Variants in INTS4 observed in about 807,000 individuals in gnomAD.
The protein encoded by INTS4 is integrator complex subunit 4.
Under a neutral mutation model 119.5 loss-of-function variants are expected in INTS4, and 70 were observed. The observed-to-expected ratio is 0.59, with a 90% CI of 0.48 to 0.71. INTS4 has a LOEUF of 0.71. Ranked by LOEUF, INTS4 falls within the 30% of genes least tolerant of loss-of-function variation. The pLI is 0.00. For synonymous variants in INTS4, 316 were observed against 419.6 expected (o/e 0.75, Z 3.02); for missense variants, 867 against 1,173.2 (o/e 0.74, Z 3.81).
chr11:77,905,669 A>G (rs569247531), intron 16 of INTS4, among the ~76,000 whole-genome samples: 1 of 152,350 alleles, frequency 6.6e-6, no homozygotes, highest in South Asian at 2.1e-4. Context: ...TTGAGATCTC[A>G]GCTCTTTGGG....
At position 77,908,145 on chromosome 11, in the gene INTS4, T is replaced by C. The variant is rs1953006237; in HGVS notation, c.1923-335A>G. On this transcript the variant is annotated intron_variant, in intron 15 of 22. Coordinates refer to ENST00000534064, the MANE Select transcript of INTS4 (RefSeq NM_033547.4). ...TTATGGGTCATAATATTCATTGTTA[T>C]GTGGACTATTATAGTAAAAACTCAG... 2.0e-5 allele frequency among the ~76,000 whole-genome samples: 3 copies of C among 152,342 alleles called. 1 individual carries two copies. The highest frequency in any genetic ancestry group is 6.8e-3 in the Middle Eastern group (2 of 294).
chr11:77,945,923 A>T (rs79325557), intron 8 of INTS4, among the ~76,000 whole-genome samples: 93 of 152,322 alleles, frequency 6.1e-4, no homozygotes, highest in African/African-American at 2.1e-3. Flanking sequence ...CCCACTGCAC[A>T]AAAGCATTTG....
At chr11:77,931,798 C>CTG (rs1304012810) in intron 10 of INTS4, among the ~76,000 whole-genome samples, 1 of 152,166 alleles carries the variant, frequency 6.6e-6, no homozygotes, top group Non-Finnish European at 1.5e-5. Flanking sequence ...CATCTACAAC[C>CTG]ATCTGATCTT....
intron 9 of INTS4, among the ~76,000 whole-genome samples, 156 bp from the exon 10 acceptor site, chr11:77,938,981 A>G (rs988387031): frequency 8.1e-4 from 123 of 152,180 alleles, no homozygotes; most frequent in Non-Finnish European, 1.5e-3. Flanking sequence ...TGCAAATTCA[A>G]CTTAAAATGA....
At chr11:77,953,322 C>T (rs1199320084) in intron 8 of INTS4, among the ~76,000 whole-genome samples, 1 of 152,214 alleles carries the variant, frequency 6.6e-6, no homozygotes, top group African/African-American at 2.4e-5. Context: ...TAGATACTTA[C>T]ACACACATAT....
chr11:77,924,836 A>C lies in INTS4; in HGVS notation c.1428T>G (p.Val476=), dbSNP rs7119720. Residue 476 remains valine, a synonymous_variant, in exon 12 of 23, where the codon GTT becomes GTG. Transcript: ENST00000534064. ...CAAGATGAATCCCTTCTTTGGTTGA[A>C]ACATTAGTACAGCATAAGAGTTCAT... is the stretch of plus-strand genomic sequence containing the variant. The part of the protein sequence containing the change: ...ALHELLCCTN[V]STKEGIHLAL... 318,606 of 1,588,978 alleles carry C rather than the reference A, an allele frequency of 0.2. 32,700 individuals carry two copies. The highest frequency in any genetic ancestry group is 0.21 in the Non-Finnish European group (238,361 of 1,157,338).
Position 77,991,308 on chromosome 11 carries a change from G to T in INTS4, c.55-9C>A. ...GCAATTTCCTCCTGTGGCTGCAAGG[G>T]GTAGAGAAAATCGAAAACACAGAAT... On this transcript the variant is annotated splice_polypyrimidine_tract_variant and intron_variant, in intron 1 of 22. Coordinates refer to ENST00000534064, the MANE Select transcript of INTS4 (RefSeq NM_033547.4). The T allele has an allele frequency of 6.2e-7, 1 of 1,600,200 alleles. No homozygotes were observed. Among genetic ancestry groups the T allele is most frequent in the Non-Finnish European group, 8.5e-7 (1 of 1,170,134 alleles).
Position 77,958,762 on chromosome 11 carries a change from G to C in INTS4, c.781C>G (p.Gln261Glu), listed in dbSNP as rs145496263. 454 of 1,609,310 alleles carry C rather than the reference G, an allele frequency of 2.8e-4. 1 individual carries two copies. The highest frequency in any genetic ancestry group is 3.7e-4 in the Non-Finnish European group (435 of 1,177,666). Reference sequence around the variant, plus strand: ...CACACTGACCTTTCAGGATAGAGCTGACTGACGACCCAGATAAGCTGGACT... The same window carrying C: ...CACACTGACCTTTCAGGATAGAGCTCACTGACGACCCAGATAAGCTGGACT... ...AAVQLIWVVS[Q>E]LYPESIVPIP... is the part of the protein sequence containing the mutation. The change falls in exon 7 of 23, where the codon CAG becomes GAG. Residue 261 changes from glutamine (Q) to glutamate (E), a missense_variant. Physicochemically the swap from Gln to Glu is conservative, Grantham distance 29 (BLOSUM62 2). Transcript: ENST00000534064.
At chr11:77,897,775 G>T in intron 18 of INTS4, among the ~76,000 whole-genome samples, 1 of 151,752 alleles carries the variant, frequency 6.6e-6, no homozygotes, top group South Asian at 2.1e-4. Flanking sequence ...AAAGTGCTGG[G>T]GTTACAGGCG....
At chr11:77,877,018 T>A (rs751752928), downstream of INTS4, 47 of 703,062 alleles carry the variant, frequency 6.7e-5, no homozygotes, top group Non-Finnish European at 1.1e-4. Flanking sequence ...TGGCTACAGC[T>A]TCATGGCACA....
At chr11:77,939,940 T>C (rs1379639561) in intron 9 of INTS4, among the ~76,000 whole-genome samples, 2 of 152,134 alleles carry the variant, frequency 1.3e-5, no homozygotes, top group South Asian at 4.1e-4. Context: ...AAAGTCATTA[T>C]ATTAGGGTAG....
At chr11:77,952,387 T>C (rs1375439388) in intron 8 of INTS4, among the ~76,000 whole-genome samples, 1 of 152,234 alleles carries the variant, frequency 6.6e-6, no homozygotes, top group Non-Finnish European at 1.5e-5. Context: ...TTGTTATTTA[T>C]AAGTAATACA....
intron 4 of INTS4, among the ~76,000 whole-genome samples, chr11:77,968,983 G>A (rs577949968): frequency 2.6e-4 from 40 of 152,010 alleles, no homozygotes; most frequent in African/African-American, 9.6e-4. Context: ...TCACTCTGTC[G>A]CCCAGGCTGG....
At chr11:77,942,766 A>C (rs531079446) in intron 8 of INTS4, among the ~76,000 whole-genome samples, 1 of 152,274 alleles carries the variant, frequency 6.6e-6, no homozygotes, top group African/African-American at 2.4e-5. Flanking sequence ...AATTTATCTG[A>C]GATCTTCTCT....
chr11:77,908,076 C>G (rs1282760468), intron 15 of INTS4, among the ~76,000 whole-genome samples: 1 of 190 alleles, frequency 5.3e-3, no homozygotes, highest in African/African-American at 0.022. Context: ...TAGCTTTACA[C>G]TGAAAAGTAT....
At chr11:77,981,190 C>CA (rs35194381) in intron 3 of INTS4, among the ~76,000 whole-genome samples, 126 of 88,816 alleles carry the variant, frequency 1.4e-3, no homozygotes, top group Middle Eastern at 7.8e-3. Flanking sequence ...AACAAACAAG[C>CA]AAAAAAAAAA....
intron 22 of INTS4, among the ~76,000 whole-genome samples, chr11:77,881,162 G>A (rs1403012277): frequency 1.3e-5 from 2 of 152,168 alleles, no homozygotes; most frequent in Non-Finnish European, 2.9e-5. Context: ...CAACTTCTGC[G>A]TCATGCCTGG....
intron 16 of INTS4, among the ~76,000 whole-genome samples, chr11:77,905,640 T>C (rs1297787829): frequency 2.6e-5 from 4 of 152,182 alleles, no homozygotes; most frequent in Admixed American, 6.5e-5. Context: ...ACATCTGCAT[T>C]TGTGAAAGAT....
rs151023080 is a variant in INTS4 at position 77,950,133 on chromosome 11, C to T, written c.918+5809G>A. The stretch of plus-strand genomic sequence containing the variant: ...AACACAAGAACAGAAAACCAAATAC[C>T]GCATGTTCTCACTCATAAGTGAGAG... On this transcript the variant is annotated intron_variant, in intron 8 of 22. Coordinates refer to ENST00000534064, the MANE Select transcript of INTS4 (RefSeq NM_033547.4). 2.0e-4 allele frequency among the ~76,000 whole-genome samples: 31 copies of T among 152,084 alleles called. No homozygotes were observed. In the East Asian group the frequency reaches 3.5e-3, roughly 17 times the overall value.
Sources: gnomAD v4.1 joint callset for allele counts (sites outside exome capture counted in the v4.1 genomes callset) on GRCh38, gnomAD v4.1.1 for gene constraint, MANE v1.5 for transcripts, NCBI Gene and HGNC (gene_info 2026-07-23, HGNC 2026-07-21) for gene names.